The following SF3B3 variants were observed in gnomAD, a reference collection of about 807,000 sequenced individuals.
SF3B3 encodes splicing factor 3b subunit 3, also known as SAP 130.
Under a neutral mutation model 139.2 loss-of-function variants are expected in SF3B3, and 33 were observed. The ratio of observed to expected loss-of-function variants is 0.24; its 90% CI spans 0.18 to 0.32. SF3B3 has a LOEUF of 0.32. Among genes scored for constraint, SF3B3 ranks in the 10% least tolerant of loss-of-function variants. The pLI is 1.00. For missense variants in SF3B3, 818 were observed against 1,509.4 expected (o/e 0.54, Z 7.59); for synonymous variants, 596 against 563.6 (o/e 1.06, Z -0.81).
intron 11 of SF3B3, among the ~76,000 whole-genome samples, chr16:70,549,163 A>C (rs1183582612): frequency 6.6e-6 from 1 of 152,162 alleles, no homozygotes; most frequent in Non-Finnish European, 1.5e-5. Flanking sequence ...TTCTCTCAGG[A>C]ATGTGGGATG....
chr16:70,549,881 C>T (rs1182541348), intron 11 of SF3B3, among the ~76,000 whole-genome samples: 1 of 152,140 alleles, frequency 6.6e-6, no homozygotes, highest in Admixed American at 6.6e-5. Context: ...GCCGAGATTG[C>T]ACCACTGCCC....
intron 8 of SF3B3, among the ~76,000 whole-genome samples, 199 bp from the exon 9 acceptor site, chr16:70,541,470 A>G (rs1310544187): frequency 4.6e-5 from 7 of 152,228 alleles, no homozygotes; most frequent in African/African-American, 1.7e-4. Context: ...TATAAATAAA[A>G]TACTCACTGC....
At chr16:70,555,288 G>T in intron 13 of SF3B3, 82 bp downstream of exon 13, 23 of 1,297,834 alleles carry the variant, frequency 1.8e-5, no homozygotes, top group Non-Finnish European at 2.3e-5. Flanking sequence ...TCATTTAGAT[G>T]ATAGTATGGT....
intron 18 of SF3B3, 119 bp downstream of exon 18, chr16:70,564,169 G>A (rs977918769): frequency 2.3e-5 from 23 of 1,000,226 alleles, no homozygotes; most frequent in Non-Finnish European, 2.9e-5. Context: ...CCACTAGTTC[G>A]AGACCAGCCT....
At chr16:70,549,471 A>G (rs1312289220) in intron 11 of SF3B3, among the ~76,000 whole-genome samples, 1 of 152,162 alleles carries the variant, frequency 6.6e-6, no homozygotes, top group Non-Finnish European at 1.5e-5. Context: ...TCTACATAGA[A>G]GTTGGTCCGT....
Position 70,568,339 on chromosome 16 carries a change from T to C in SF3B3, c.3009T>C (p.Ser1003=), listed in dbSNP as rs1283804314. 4 of 1,613,814 alleles carry C rather than the reference T, an allele frequency of 2.5e-6. No homozygotes were observed. Among genetic ancestry groups the C allele is most frequent in the Non-Finnish European group, 3.4e-6 (4 of 1,179,672 alleles). The change falls in exon 22 of 26, where the codon TCT becomes TCC. Residue 1003 remains serine (S), a synonymous_variant. Coordinates refer to ENST00000302516, the MANE Select transcript of SF3B3 (RefSeq NM_012426.5). The part of the protein sequence containing the change: ...IQTIGHRVIV[S]DVQESFIWVR... ...CTATCGGACATAGGGTAATTGTATC[T>C]GATGTCCAAGAAAGTTTCATCTGGG... is the stretch of plus-strand genomic sequence containing the variant.
chr16:70,556,061 A>G, intron 13 of SF3B3, 118 bp from the exon 14 acceptor site: 1 of 977,176 alleles, frequency 1.0e-6, no homozygotes, highest in Non-Finnish European at 1.6e-6. Context: ...AGTGAGAGGA[A>G]GCAGAACAAA....
At chr16:70,570,622 C>T (rs1319398976) in intron 24 of SF3B3, among the ~76,000 whole-genome samples, 4 of 152,150 alleles carry the variant, frequency 2.6e-5, no homozygotes, top group Non-Finnish European at 4.4e-5. Flanking sequence ...GAGCCACCCG[C>T]GCCCGGCCAG....
intron 7 of SF3B3, among the ~76,000 whole-genome samples, 162 bp downstream of exon 7, chr16:70,538,622 A>G (rs759773067): frequency 1.3e-4 from 20 of 152,256 alleles, no homozygotes; most frequent in Non-Finnish European, 1.9e-4. Context: ...TTTTTGGTCT[A>G]GTAATCTTAC....
rs542398922 is a variant in SF3B3 at position 70,536,006 on chromosome 16, A to G, written c.825+586A>G. Among the ~76,000 whole-genome samples, 99 of 152,288 alleles carry G rather than the reference A, an allele frequency of 6.5e-4. 1 individual carries two copies. Among genetic ancestry groups the G allele is most frequent in the African/African-American group, 2.3e-3 (94 of 41,556 alleles). On this transcript the variant is annotated intron_variant, in intron 6 of 25. Coordinates refer to ENST00000302516, the MANE Select transcript of SF3B3 (RefSeq NM_012426.5). ...CCCGAGAACAAGGACATTTTCCTACATTACCAGATTGCCAATATCATACCC... is the reference window on the plus strand; with the variant it reads ...CCCGAGAACAAGGACATTTTCCTACGTTACCAGATTGCCAATATCATACCC...
intron 23 of SF3B3, 59 bp downstream of exon 23, chr16:70,569,200 CA>C: frequency 5.7e-6 from 7 of 1,229,720 alleles, no homozygotes; most frequent in Non-Finnish European, 8.2e-6. Context: ...CTGTTGCCCT[CA>C]CTGAAGAAAT....
At chr16:70,562,738 T>A (rs1193374433) in intron 17 of SF3B3, among the ~76,000 whole-genome samples, 2 of 151,848 alleles carry the variant, frequency 1.3e-5, no homozygotes, top group Non-Finnish European at 1.5e-5. Context: ...AGAACTTACT[T>A]CCCCCCAAAA....
At chr16:70,568,894 CAG>C in intron 22 of SF3B3, 147 bp from the exon 23 acceptor site, 1 of 584,758 alleles carries the variant, frequency 1.7e-6, no homozygotes, top group Non-Finnish European at 3.0e-6. Context: ...TCCTGCCCAC[CAG>C]AGCAGGTGCA....
Position 70,526,685 on chromosome 16 carries a change from G to A in SF3B3, c.29G>A (p.Arg10Lys). 1 of 1,614,154 alleles carries A rather than the reference G, an allele frequency of 6.2e-7. No homozygotes were observed. The highest frequency in any genetic ancestry group is 8.5e-7 in the Non-Finnish European group (1 of 1,179,990). The change falls in exon 2 of 26, where the codon AGA (arginine) becomes AAA (lysine). Residue 10 changes from arginine (R) to lysine (K), a missense_variant. Around this residue, in one of 14 missense-constraint regions of SF3B3, gnomAD observed 144 missense variants for 259.2 expected, o/e 0.56. Transcript: ENST00000302516. ...TTTCTGTACAACTTAACCTTGCAGA[G>A]AGCCACTGGCATCAGCTTTGCCATT... The part of the protein sequence containing the change: MFLYNLTLQ[R>K]ATGISFAIHG...
chr16:70,534,231 GC>G (rs2050146523), intron 5 of SF3B3, among the ~76,000 whole-genome samples: 1 of 152,136 alleles, frequency 6.6e-6, no homozygotes, highest in Admixed American at 6.5e-5. Flanking sequence ...AAAGGGAACA[GC>G]ATTTACAAAA....
chr16:70,546,146 T>C (rs537593072), intron 10 of SF3B3, among the ~76,000 whole-genome samples: 1 of 152,294 alleles, frequency 6.6e-6, no homozygotes, highest in Non-Finnish European at 1.5e-5. Flanking sequence ...TATTTATTTA[T>C]TTTTGGTAGA....
intron 3 of SF3B3, among the ~76,000 whole-genome samples, chr16:70,529,959 C>A (rs1166840150): frequency 6.6e-6 from 1 of 151,358 alleles, no homozygotes; most frequent in Non-Finnish European, 1.5e-5. Flanking sequence ...ATGGTGAAAC[C>A]CAGTCTCTAC....
At chr16:70,550,810 T>C (rs1055726204) in intron 11 of SF3B3, 15 of 216,784 alleles carry the variant, frequency 6.9e-5, no homozygotes, top group African/African-American at 3.3e-4. Context: ...TCACTGGGCA[T>C]AATAGTGCTG....
intron 4 of SF3B3, among the ~76,000 whole-genome samples, chr16:70,531,679 A>G (rs2050122935): frequency 6.6e-6 from 1 of 152,238 alleles, no homozygotes; most frequent in Non-Finnish European, 1.5e-5. Context: ...ACTATTTAAT[A>G]GTCTTTCTCT....
Sources: gnomAD v4.1 joint callset for allele counts (sites outside exome capture counted in the v4.1 genomes callset) on GRCh38, gnomAD v4.1.1 for gene constraint, gnomAD v4.1.1 regional missense constraint, MANE v1.5 for transcripts, NCBI Gene and HGNC (gene_info 2026-07-23, HGNC 2026-07-21) for gene names.